SLIT3: variants seen among roughly 807,000 people sequenced by gnomAD.
SLIT3 encodes the protein slit guidance ligand 3.
SLIT3 carries 68 observed loss-of-function variants against 184.0 expected under a neutral mutation model. The ratio of observed to expected loss-of-function variants is 0.37; its 90% confidence interval spans 0.30 to 0.45. SLIT3 has a LOEUF of 0.45. SLIT3 is among the 20% of genes least tolerant of loss of function. SLIT3 has a pLI of 1.00. For synonymous variants in SLIT3, 831 were observed against 828.6 expected (o/e 1.00, Z -0.05); for missense variants, 1,707 against 2,026.0 (o/e 0.84, Z 3.02).
intron 4 of SLIT3, among the ~76,000 whole-genome samples, chr5:168,985,773 G>T (rs1273234913): frequency 6.6e-6 from 1 of 152,148 alleles, no homozygotes; most frequent in African/African-American, 2.4e-5. Flanking sequence ...CTACAGTGAG[G>T]AGAGGGCTCC....
chr5:169,160,831 C>T (rs1440454821), intron 4 of SLIT3, among the ~76,000 whole-genome samples: 1 of 152,200 alleles, frequency 6.6e-6, no homozygotes, highest in Non-Finnish European at 1.5e-5. Context: ...CCCCATTGTT[C>T]CATCCACCTA....
intron 4 of SLIT3, among the ~76,000 whole-genome samples, chr5:169,167,609 C>T (rs186159008): frequency 2.1e-4 from 32 of 152,226 alleles, no homozygotes; most frequent in African/African-American, 7.2e-4. Context: ...TCACCTAATC[C>T]TCACAGCAAT....
At chr5:169,226,293 C>T (rs1764805909) in intron 3 of SLIT3, among the ~76,000 whole-genome samples, 1 of 152,092 alleles carries the variant, frequency 6.6e-6, no homozygotes, top group Non-Finnish European at 1.5e-5. Flanking sequence ...AGAGAGTCTC[C>T]TGCTGAGGCA....
chr5:169,185,982 G>A (rs1763320144), intron 4 of SLIT3, among the ~76,000 whole-genome samples: 2 of 152,126 alleles, frequency 1.3e-5, no homozygotes, highest in Non-Finnish European at 2.9e-5. Flanking sequence ...CTAAAATGGG[G>A]ATAATATTGT....
intron 4 of SLIT3, among the ~76,000 whole-genome samples, chr5:169,105,940 T>C (rs757682826): frequency 6.6e-6 from 1 of 151,946 alleles, no homozygotes. Flanking sequence ...ATCTTTATAA[T>C]AGAATGATTT....
intron 1 of SLIT3, among the ~76,000 whole-genome samples, chr5:169,281,126 C>T (rs1013231482): frequency 1.3e-5 from 2 of 152,186 alleles, no homozygotes; most frequent in African/African-American, 4.8e-5. Flanking sequence ...GCTTCTGTTG[C>T]TGGATTTTAT....
chr5:169,291,496 A>C (rs1437308543), intron 1 of SLIT3, among the ~76,000 whole-genome samples: 1 of 152,216 alleles, frequency 6.6e-6, no homozygotes, highest in Admixed American at 6.5e-5. Context: ...GGAGCATCTA[A>C]TCATGAATTT....
intron 8 of SLIT3, among the ~76,000 whole-genome samples, chr5:168,812,859 A>T (rs1472297455): frequency 6.6e-6 from 1 of 151,966 alleles, no homozygotes; most frequent in Admixed American, 6.6e-5. Flanking sequence ...TACCTTAATT[A>T]TCTTTGTACT....
At chr5:169,106,547 A>G (rs1760214314) in intron 4 of SLIT3, among the ~76,000 whole-genome samples, 1 of 152,196 alleles carries the variant, frequency 6.6e-6, no homozygotes, top group African/African-American at 2.4e-5. Context: ...TCTTTAAAAA[A>G]ATCACCAGTA....
intron 8 of SLIT3, among the ~76,000 whole-genome samples, chr5:168,813,196 C>T (rs1757219338): frequency 6.6e-6 from 1 of 152,096 alleles, no homozygotes; most frequent in African/African-American, 2.4e-5. Context: ...CAACTAATAA[C>T]CTTGAATTAC....
intron 6 of SLIT3, among the ~76,000 whole-genome samples, chr5:168,825,970 T>G (rs948740183): frequency 6.6e-6 from 1 of 152,168 alleles, no homozygotes; most frequent in Non-Finnish European, 1.5e-5. Flanking sequence ...CAAAAAAATC[T>G]GAGCATCCTC....
intron 1 of SLIT3, among the ~76,000 whole-genome samples, chr5:169,282,378 G>A (rs2113648275): frequency 6.6e-6 from 1 of 152,254 alleles, no homozygotes; most frequent in South Asian, 2.1e-4. Context: ...CAAGTTGCAG[G>A]GCAGACCTAG....
Position 168,956,753 on chromosome 5 carries a change from A to G in SLIT3, c.414-73417T>C, listed in dbSNP as rs555550712. Among the ~76,000 whole-genome samples, 396 of 152,176 alleles carry G rather than the reference A, an allele frequency of 2.6e-3. 6 individuals carry two copies. Among genetic ancestry groups the G allele is most frequent in the Non-Finnish European group, 3.5e-3 (238 of 68,000 alleles). On this transcript the variant is annotated intron_variant, in intron 4 of 35. Transcript: ENST00000519560. ...GGTTGCAGTGAGCCGAGATAGCGCC[A>G]CTGCACTCCAGCCTGGTGACAGAGT...
chr5:168,917,655 A>G (rs540412308), intron 4 of SLIT3, among the ~76,000 whole-genome samples: 1 of 152,144 alleles, frequency 6.6e-6, no homozygotes, highest in South Asian at 2.1e-4. Flanking sequence ...AATGTTTCCT[A>G]TTTCCCATCA....
At chr5:168,681,204 T>C (rs1226621749) in intron 32 of SLIT3, among the ~76,000 whole-genome samples, 1 of 152,202 alleles carries the variant, frequency 6.6e-6, no homozygotes, top group Non-Finnish European at 1.5e-5. Flanking sequence ...TCCTGTAGCA[T>C]GACACCAGTG....
At chr5:168,865,370 T>C (rs1323345642) in intron 5 of SLIT3, among the ~76,000 whole-genome samples, 1 of 152,126 alleles carries the variant, frequency 6.6e-6, no homozygotes, top group Non-Finnish European at 1.5e-5. Context: ...ATTGACACAC[T>C]GAAGTATACC....
rs1450620976 is a variant in SLIT3, at chr5:168,748,429, C to T, written c.2143G>A (p.Glu715Lys). ...GGGCTCAGCTGGCAGCTACTCTCCTCGTTGCCTGTGGAGAGCCCCAGAGAG... is the reference window on the plus strand; with the variant it reads ...GGGCTCAGCTGGCAGCTACTCTCCTTGTTGCCTGTGGAGAGCCCCAGAGAG... Reference protein sequence around the residue: ...AIQDFTCDGNEESSCQLSPRC... With the variant: ...AIQDFTCDGNKESSCQLSPRC... The change falls in exon 20 of 36, where the codon GAG becomes AAG. Residue 715 changes from glutamate to lysine, a missense_variant. Around this residue, in one of 3 missense-constraint regions of SLIT3, gnomAD observed 1,307 missense variants for 1,511.6 expected, o/e 0.86. Transcript: ENST00000519560. 5 of 1,523,412 alleles carry T rather than the reference C, an allele frequency of 3.3e-6. No individual in the cohort carries two copies. The highest frequency in any genetic ancestry group is 1.5e-5 in the African/African-American group (1 of 68,696). The allele number at this position is 1,523,412 out of a possible 1,614,324, so 94.4% of individuals were successfully genotyped here.
At chr5:169,078,705 A>C (rs1412418247) in intron 4 of SLIT3, among the ~76,000 whole-genome samples, 1 of 152,212 alleles carries the variant, frequency 6.6e-6, no homozygotes, top group African/African-American at 2.4e-5. Context: ...TTTTGCACAC[A>C]ATATCTCAAT....
At chr5:169,229,202 G>A (rs1255268954) in intron 3 of SLIT3, among the ~76,000 whole-genome samples, 1 of 150,780 alleles carries the variant, frequency 6.6e-6, no homozygotes, top group African/African-American at 2.5e-5. Flanking sequence ...TGCAGAAGTC[G>A]ATCCTTCAGC....
Sources: allele counts gnomAD v4.1 joint callset (sites outside exome capture counted in the v4.1 genomes callset), GRCh38; gene constraint gnomAD v4.1.1; regional missense constraint gnomAD v4.1.1; transcripts MANE v1.5; gene names NCBI Gene and HGNC (gene_info 2026-07-23, HGNC 2026-07-21).